DHRSX: variants seen among roughly 807,000 people sequenced by gnomAD.
DHRSX encodes dehydrogenase/reductase X-linked.
Under a neutral mutation model 34.0 loss-of-function variants are expected in DHRSX, and 31 were observed. The ratio of observed to expected loss-of-function variants is 0.91; its 90% CI spans 0.69 to 1.23. DHRSX has a LOEUF of 1.23. DHRSX is among the 50% of genes most tolerant of loss of function. The pLI is 0.00. For missense variants in DHRSX, 414 were observed against 428.1 expected, an observed-to-expected ratio of 0.97 and a Z score of 0.29; for synonymous variants, 201 against 183.8, an observed-to-expected ratio of 1.09 and a Z score of -0.76.
chrX:2,283,308 G>C (rs772605699), intron 4 of DHRSX, among the ~76,000 whole-genome samples: 1 of 152,124 alleles, frequency 6.6e-6, no homozygotes, highest in East Asian at 1.9e-4. Flanking sequence ...CCTGTTCAGA[G>C]AAGGCGCCAT....
rs189564988 is a variant in DHRSX, at chrX:2,371,765, C to G, written c.286+36980G>C. Among the ~76,000 whole-genome samples, 374 of 152,058 alleles carry G rather than the reference C, an allele frequency of 2.5e-3. 1 individual carries two copies. The highest frequency in any genetic ancestry group is 8.7e-3 in the African/African-American group (360 of 41,498). On this transcript the variant is annotated intron_variant, in intron 3 of 6. Coordinates refer to ENST00000334651, the MANE Select transcript of DHRSX (RefSeq NM_145177.3). ...CCCCTCCTCCTCCCATTACAGTAGT[C>G]CCTCCTCCTCTTATTGCAAAAGCTC...
intron 1 of DHRSX, chrX:2,490,423 G>A (rs746764510): frequency 9.9e-6 from 16 of 1,613,908 alleles, no homozygotes; most frequent in East Asian, 2.2e-5. Context: ...GGGACGACTC[G>A]GGCTTCAGCT....
intron 3 of DHRSX, among the ~76,000 whole-genome samples, chrX:2,319,414 G>A (rs1372685285): frequency 6.6e-6 from 1 of 151,716 alleles, no homozygotes; most frequent in Non-Finnish European, 1.5e-5. Flanking sequence ...GTGGTGGCGT[G>A]TGCCTGTAAT....
intron 5 of DHRSX, among the ~76,000 whole-genome samples, chrX:2,260,460 A>ATTTT (rs772144524): frequency 8.1e-6 from 1 of 124,154 alleles, no homozygotes; most frequent in Non-Finnish European, 1.7e-5. Flanking sequence ...TTTCTACTTC[A>ATTTT]TTTTTTTTTT....
chrX:2,284,013 C>T (rs1005788470), intron 4 of DHRSX, among the ~76,000 whole-genome samples: 3 of 151,700 alleles, frequency 2.0e-5, no homozygotes, highest in Admixed American at 2.0e-4. Context: ...TTCATTCATT[C>T]CTCTGAATTT....
intron 3 of DHRSX, among the ~76,000 whole-genome samples, chrX:2,297,338 G>A (rs906725348): frequency 2.6e-5 from 4 of 152,100 alleles, no homozygotes; most frequent in African/African-American, 9.7e-5. Flanking sequence ...GCCCAAGCTG[G>A]ACTCGAACTC....
intron 3 of DHRSX, among the ~76,000 whole-genome samples, chrX:2,384,170 C>T (rs1168712695): frequency 6.6e-6 from 1 of 152,050 alleles, no homozygotes; most frequent in African/African-American, 2.4e-5. Flanking sequence ...TCAGTTGCCA[C>T]CAGGGAGAGG....
rs192775147 is a variant in DHRSX at position 2,230,306 on chromosome X, T to C, written c.805-9077A>G. Among the ~76,000 whole-genome samples, 375 of 152,324 alleles carry C rather than the reference T, an allele frequency of 2.5e-3. 3 individuals are homozygous for C. In the Middle Eastern group the frequency reaches 0.037, roughly 15 times the overall value. On this transcript the variant is annotated intron_variant, in intron 6 of 6. Transcript: ENST00000334651. Reference sequence around the variant, plus strand: ...AGAGCTGTGGGTTGTGCTAAACTTCTAGGGATGTTTCATGGCCTCAGTGAC... The same window carrying C: ...AGAGCTGTGGGTTGTGCTAAACTTCCAGGGATGTTTCATGGCCTCAGTGAC...
At chrX:2,437,692 AGAGAGAGTGTGTGTGT>A (rs749723482) in intron 1 of DHRSX, among the ~76,000 whole-genome samples, 10,818 of 79,384 alleles carry the variant, frequency 0.14, 1,073 homozygotes, top group African/African-American at 0.37. Flanking sequence ...AGAGAGAGAG[AGAGAGAGTGTGTGTGT>A]GTGTGTGTGT....
intron 6 of DHRSX, among the ~76,000 whole-genome samples, chrX:2,232,932 A>C (rs1008906404): frequency 5.3e-5 from 8 of 151,976 alleles, no homozygotes; most frequent in African/African-American, 1.9e-4. Flanking sequence ...CACGCTGGGA[A>C]CCTCACTCAT....
intron 1 of DHRSX, among the ~76,000 whole-genome samples, chrX:2,431,841 C>T (rs1306992921): frequency 2.6e-5 from 4 of 152,124 alleles, no homozygotes; most frequent in African/African-American, 7.2e-5. Flanking sequence ...GTGCTCCAAA[C>T]CTCAACATCA....
rs188078874 is a variant in DHRSX at position 2,283,172 on chromosome X, G to T, written c.388+8330C>A. On this transcript the variant is annotated intron_variant, in intron 4 of 6. Transcript: ENST00000334651. Reference sequence around the variant, plus strand: ...GTGGGAAGGATGGAGCCAGTCCAGGGAGGCTATGGGACGGACGCCCTGAAC... The same window carrying T: ...GTGGGAAGGATGGAGCCAGTCCAGGTAGGCTATGGGACGGACGCCCTGAAC... 9.2e-5 allele frequency among the ~76,000 whole-genome samples: 14 copies of T among 152,120 alleles called. No individual in the cohort carries two copies. The East Asian group carries it at 2.7e-3, about 30-fold the overall frequency.
rs369161879 is a variant in DHRSX, at chrX:2,221,062, C to A, written c.972G>T (p.Gly324=). The A allele has an allele frequency of 6.2e-6, 10 of 1,613,858 alleles. No homozygotes were observed. Among genetic ancestry groups the A allele is most frequent in the Non-Finnish European group, 7.6e-6 (9 of 1,179,836 alleles). ...QLWSKSCEMT[G]VLDVTL ...GATATCACAGGGTCACATCAAGGACCCCAGTCATCTCACAACTCTTAGACC... is the reference window on the plus strand; with the variant it reads ...GATATCACAGGGTCACATCAAGGACACCAGTCATCTCACAACTCTTAGACC... Residue 324 remains glycine (G), a synonymous_variant, in exon 7 of 7, where the codon GGG becomes GGT. Coordinates refer to ENST00000334651, the MANE Select transcript of DHRSX (RefSeq NM_145177.3).
At chrX:2,339,155 A>C (rs1384324479) in intron 3 of DHRSX, among the ~76,000 whole-genome samples, 1 of 151,834 alleles carries the variant, frequency 6.6e-6, no homozygotes, top group East Asian at 1.9e-4. Context: ...TTTTTTTCTG[A>C]GACAGAGTCT....
At chrX:2,443,866 T>G (rs992651095) in intron 1 of DHRSX, among the ~76,000 whole-genome samples, 1 of 151,440 alleles carries the variant, frequency 6.6e-6, no homozygotes, top group Admixed American at 6.6e-5. Flanking sequence ...ATTAGCCGGG[T>G]GTGGTGGCGG....
intron 3 of DHRSX, among the ~76,000 whole-genome samples, chrX:2,330,292 G>A (rs752353925): frequency 6.6e-6 from 1 of 151,916 alleles, no homozygotes; most frequent in African/African-American, 2.4e-5. Flanking sequence ...GGAGGCTGAG[G>A]CAGGTGGATC....
intron 3 of DHRSX, among the ~76,000 whole-genome samples, chrX:2,360,005 C>G (rs776331330): frequency 2.6e-5 from 4 of 152,190 alleles, no homozygotes; most frequent in Admixed American, 2.6e-4. Context: ...AATCATACAA[C>G]AAACCCCCAT....
At chrX:2,397,450 T>C (rs765710392) in intron 3 of DHRSX, among the ~76,000 whole-genome samples, 20 of 152,236 alleles carry the variant, frequency 1.3e-4, no homozygotes, top group Non-Finnish European at 2.4e-4. Flanking sequence ...TTCACCCCTC[T>C]TGAGACACGG....
At chrX:2,283,490 G>A (rs189427970) in intron 4 of DHRSX, among the ~76,000 whole-genome samples, 4 of 152,264 alleles carry the variant, frequency 2.6e-5, no homozygotes, top group East Asian at 1.9e-4. Flanking sequence ...CCGTCTTCCC[G>A]GGAGGGAGAC....
Sources: gnomAD v4.1 joint callset for allele counts (sites outside exome capture counted in the v4.1 genomes callset) on GRCh38, gnomAD v4.1.1 for gene constraint, MANE v1.5 for transcripts, NCBI Gene and HGNC (gene_info 2026-07-23, HGNC 2026-07-21) for gene names.